CHM: variants seen among roughly 807,000 people sequenced by gnomAD.
CHM encodes rab proteins geranylgeranyltransferase component A 1.
In CHM, 10 loss-of-function variants were observed where a neutral mutation model predicts 49.0. The observed-to-expected ratio is 0.20, with a 90% CI of 0.13 to 0.35. The LOEUF is 0.35. CHM is among the 10% of genes least tolerant of loss of function. The probability of loss-of-function intolerance (pLI) is 1.00; values close to 1 mark genes in which losing one functional copy is unlikely to be tolerated. For synonymous variants in CHM, 184 were observed against 167.5 expected, an observed-to-expected ratio of 1.10 and a Z score of -0.76; for missense variants, 455 against 478.4, an observed-to-expected ratio of 0.95 and a Z score of 0.46.
At chrX:86,040,849 C>G (rs1934428881) in intron 1 of CHM, among the ~76,000 whole-genome samples, 1 of 111,816 alleles carries the variant, frequency 8.9e-6, no homozygotes, top group Non-Finnish European at 1.9e-5. Context: ...TCAATGTATC[C>G]CTATTTTGCT....
At chrX:86,002,305 A>G (rs1485836970) in intron 2 of CHM, among the ~76,000 whole-genome samples, 1 of 111,662 alleles carries the variant, frequency 9.0e-6, no homozygotes, top group Non-Finnish European at 1.9e-5. Context: ...GACTCTTCAC[A>G]TTTGTTTTAA....
chrX:85,998,285 A>G (rs950844144), intron 2 of CHM, among the ~76,000 whole-genome samples: 89 of 111,693 alleles, frequency 8.0e-4, no homozygotes, highest in Non-Finnish European at 3.4e-4. Flanking sequence ...CACTACATCA[A>G]TTCACTTCAT....
intron 8 of CHM, among the ~76,000 whole-genome samples, chrX:85,917,648 G>A (rs1174586164): frequency 5.4e-5 from 6 of 110,259 alleles, no homozygotes; most frequent in Admixed American, 3.9e-4. Context: ...AGGTTGAAAC[G>A]CATCCAAGTA....
Position 86,047,525 on chromosome X carries a change from T to C in CHM, c.8A>G (p.Asp3Gly), listed in dbSNP as rs149255670. ...CACATCAAACTCCGAAGGGAGAGTA[T>C]CCGCCATCTTGACGGGAAACGTGTC... MA[D>G]TLPSEFDVIV... The change falls in exon 1 of 15, where the codon GAT (aspartate) becomes GGT (glycine). Residue 3 changes from aspartate to glycine, a missense_variant. Coordinates refer to ENST00000357749, the MANE Select transcript of CHM (RefSeq NM_000390.4). 460 of 1,203,806 alleles carry C rather than the reference T, an allele frequency of 3.8e-4. No individual in the cohort carries two copies. The highest frequency in any genetic ancestry group is 4.8e-4 in the Non-Finnish European group (428 of 891,235).
chrX:85,925,851 C>A (rs1418119168), intron 8 of CHM, among the ~76,000 whole-genome samples: 2 of 111,172 alleles, frequency 1.8e-5, no homozygotes, highest in Admixed American at 9.6e-5. Context: ...ACAAAAATAT[C>A]AAAAGTGAAT....
intron 2 of CHM, among the ~76,000 whole-genome samples, chrX:86,004,351 C>A (rs768186802): frequency 8.9e-6 from 1 of 111,907 alleles, no homozygotes; most frequent in African/African-American, 3.2e-5. Flanking sequence ...GAAACTGCAA[C>A]AATTAACGGG....
At position 85,911,624 on chromosome X, in the gene CHM, C is replaced by A. The variant is rs777501836; in HGVS notation, c.1167-286G>T. Among the ~76,000 whole-genome samples, 5 of 109,663 alleles carry A rather than the reference C, an allele frequency of 4.6e-5. No homozygotes were observed. In the South Asian group the frequency reaches 2.0e-3, roughly 44 times the overall value. Reference sequence around the variant, plus strand: ...GCCAATTATCCCCCGAAAATCAGCTCCTGCCTACCTAAGGTACAAAGAACA... The same window carrying A: ...GCCAATTATCCCCCGAAAATCAGCTACTGCCTACCTAAGGTACAAAGAACA... On this transcript the variant is annotated intron_variant, in intron 8 of 14. Transcript: ENST00000357749.
At chrX:85,897,786 C>T (rs919786630) in intron 11 of CHM, among the ~76,000 whole-genome samples, 3 of 110,969 alleles carry the variant, frequency 2.7e-5, no homozygotes, top group Non-Finnish European at 5.7e-5. Context: ...GTTAGTCTGT[C>T]TGGTTGCATG....
chrX:85,964,985 G>A (rs1047047485), intron 4 of CHM, among the ~76,000 whole-genome samples: 91 of 111,279 alleles, frequency 8.2e-4, no homozygotes, highest in African/African-American at 2.9e-3. Context: ...ACTAACAGTA[G>A]CCCTAACAGT....
rs759692695 is a variant in CHM, at chrX:85,866,496, T to C, written c.1771-1675A>G. Among the ~76,000 whole-genome samples, 5 of 112,759 alleles carry C rather than the reference T, an allele frequency of 4.4e-5. 1 individual carries two copies. In the East Asian group the frequency reaches 1.4e-3, roughly 32 times the overall value. ...CTGCTAGGGCAGTGCTGAAGGGAAA[T>C]GTGGGCTTGGAGCCCCCACAAAGAG... On this transcript the variant is annotated intron_variant, in intron 14 of 14. Transcript: ENST00000357749.
chrX:85,915,357 G>T (rs1430271936), intron 8 of CHM, among the ~76,000 whole-genome samples: 2 of 111,872 alleles, frequency 1.8e-5, no homozygotes, highest in Admixed American at 9.5e-5. Context: ...TGCTGAATGG[G>T]CAAAAGCTGG....
intron 12 of CHM, among the ~76,000 whole-genome samples, chrX:85,888,866 A>G (rs1196083090): frequency 8.9e-6 from 1 of 112,405 alleles, no homozygotes; most frequent in Non-Finnish European, 1.9e-5. Context: ...TGAAAATGCT[A>G]TCACAGACAT....
At chrX:85,877,812 C>T (rs1215565549) in intron 13 of CHM, among the ~76,000 whole-genome samples, 1 of 110,851 alleles carries the variant, frequency 9.0e-6, no homozygotes, top group Non-Finnish European at 1.9e-5. Context: ...ACTATCTCTG[C>T]ATTAAGAAAA....
In CHM at chrX:85,862,240, T is replaced by A. The variant is rs1268779277; in HGVS notation, c.*2390A>T. 1 of 112,356 alleles carries A rather than the reference T, an allele frequency of 8.9e-6. No homozygotes were observed. Among genetic ancestry groups the A allele is most frequent in the Non-Finnish European group, 1.9e-5 (1 of 53,211 alleles). The allele number at this position is 112,356 out of a possible 1,213,427, so 9.3% of individuals were successfully genotyped here. On this transcript the variant is annotated 3_prime_UTR_variant, in exon 15 of 15. Coordinates refer to ENST00000357749, the MANE Select transcript of CHM (RefSeq NM_000390.4). ...TTGTTCTACATATAGGTGGCTGCAG[T>A]AAGGCCAATAGAATTTTTGTGGTTA...
intron 2 of CHM, among the ~76,000 whole-genome samples, chrX:86,012,604 C>T (rs1489491935): frequency 9.0e-6 from 1 of 111,728 alleles, no homozygotes; most frequent in Non-Finnish European, 1.9e-5. Context: ...GCTGAATGCT[C>T]AGTCCTCTCA....
intron 8 of CHM, among the ~76,000 whole-genome samples, chrX:85,934,636 A>G (rs1338460219): frequency 9.1e-6 from 1 of 110,214 alleles, no homozygotes; most frequent in Non-Finnish European, 1.9e-5. Context: ...ATGGCTGCAT[A>G]GTATTCCACG....
intron 12 of CHM, among the ~76,000 whole-genome samples, chrX:85,883,011 C>G (rs1033179061): frequency 1.8e-5 from 2 of 111,251 alleles, no homozygotes; most frequent in African/African-American, 6.5e-5. Context: ...CTCAAATTTA[C>G]GAAGCTAATT....
rs191938968 is a variant in CHM, at chrX:85,992,953, T to C, written c.117-11144A>G. ...TAGTCCACCCATTCAAATCCGTTTA[T>C]AGACAACCAAGGCAGGTAGATGAAC... On this transcript the variant is annotated intron_variant, in intron 2 of 14. Coordinates refer to ENST00000357749, the MANE Select transcript of CHM (RefSeq NM_000390.4). Among the ~76,000 whole-genome samples the C allele has an allele frequency of 1.2e-4, 13 of 111,950 alleles. No homozygotes were observed. The East Asian group carries it at 2.8e-3, about 24-fold the overall frequency.
intron 8 of CHM, among the ~76,000 whole-genome samples, chrX:85,928,164 A>C (rs1042512751): frequency 1.8e-5 from 2 of 112,522 alleles, no homozygotes; most frequent in African/African-American, 6.5e-5. Context: ...CTGTGTGGAC[A>C]CAATGAAAGT....
Sources: allele counts gnomAD v4.1 joint callset (sites outside exome capture counted in the v4.1 genomes callset), GRCh38; gene constraint gnomAD v4.1.1; transcripts MANE v1.5; gene names NCBI Gene and HGNC (gene_info 2026-07-23, HGNC 2026-07-21).